SORCS3: variants seen among roughly 807,000 people sequenced by gnomAD.
The protein encoded by SORCS3 is VPS10 domain-containing receptor SorCS3.
SORCS3 carries 57 observed loss-of-function variants against 146.3 expected under a neutral mutation model. That is an observed-to-expected ratio of 0.39 (90% CI 0.31 to 0.49). The LOEUF is 0.49. SORCS3 is among the 20% of genes least tolerant of loss of function. SORCS3 has a pLI of 0.92. For synonymous variants in SORCS3, 653 were observed against 618.5 expected (o/e 1.06, Z -0.83); for missense variants, 1,341 against 1,575.5 (o/e 0.85, Z 2.52).
intron 2 of SORCS3, among the ~76,000 whole-genome samples, chr10:104,848,610 C>G (rs941462576): frequency 1.6e-4 from 25 of 152,124 alleles, no homozygotes; most frequent in Non-Finnish European, 2.8e-4. Context: ...TCGCTAGGCT[C>G]TTTATATGTG....
At chr10:104,912,372 A>G (rs2018977903) in intron 2 of SORCS3, among the ~76,000 whole-genome samples, 1 of 152,240 alleles carries the variant, frequency 6.6e-6, no homozygotes, top group Admixed American at 6.5e-5. Flanking sequence ...GACAGCCTCT[A>G]GAGATCATGG....
At chr10:104,746,402 C>T (rs2016912117) in intron 1 of SORCS3, among the ~76,000 whole-genome samples, 1 of 152,212 alleles carries the variant, frequency 6.6e-6, no homozygotes, top group Non-Finnish European at 1.5e-5. Context: ...TCCCAGAGTG[C>T]TGGGATTACA....
intron 1 of SORCS3, among the ~76,000 whole-genome samples, chr10:104,708,735 GCAGCCATAT>G (rs1192340586): frequency 3.3e-5 from 5 of 152,044 alleles, no homozygotes; most frequent in African/African-American, 1.2e-4. Flanking sequence ...ATTCCTTTTA[GCAGCCATAT>G]TTTAATCTCT....
intron 1 of SORCS3, among the ~76,000 whole-genome samples, chr10:104,788,320 T>G (rs1260984531): frequency 6.6e-6 from 1 of 152,190 alleles, no homozygotes; most frequent in African/African-American, 2.4e-5. Flanking sequence ...TTATGGTGCA[T>G]TTATAGAATG....
intron 1 of SORCS3, among the ~76,000 whole-genome samples, chr10:104,680,148 C>A (rs913989464): frequency 1.3e-5 from 2 of 152,278 alleles, no homozygotes; most frequent in Middle Eastern, 6.8e-3. Context: ...TACCATGAGC[C>A]TTCCTAGTGC....
chr10:105,152,010 A>G (rs1411344877), intron 9 of SORCS3, among the ~76,000 whole-genome samples: 2 of 152,190 alleles, frequency 1.3e-5, no homozygotes, highest in Non-Finnish European at 2.9e-5. Flanking sequence ...CTTTTCATAT[A>G]GAGCTCTATT....
chr10:104,814,245 G>T (rs753010020), intron 1 of SORCS3, among the ~76,000 whole-genome samples: 4 of 152,058 alleles, frequency 2.6e-5, no homozygotes. Context: ...CTTCCTACCT[G>T]CAGTGAGTAG....
intron 5 of SORCS3, among the ~76,000 whole-genome samples, chr10:105,080,819 C>G (rs2055619808): frequency 6.6e-6 from 1 of 152,076 alleles, no homozygotes; most frequent in African/African-American, 2.4e-5. Flanking sequence ...CAGACATAGA[C>G]CAATGAAACA....
intron 5 of SORCS3, among the ~76,000 whole-genome samples, chr10:105,069,480 C>T (rs2055543772): frequency 6.6e-6 from 1 of 152,190 alleles, no homozygotes; most frequent in African/African-American, 2.4e-5. Context: ...ATGCCATCTA[C>T]CTCATAGAGT....
chr10:104,974,645 A>T (rs1019030502), intron 3 of SORCS3, among the ~76,000 whole-genome samples: 4 of 152,080 alleles, frequency 2.6e-5, no homozygotes, highest in African/African-American at 9.7e-5. Context: ...TTGACTCTTT[A>T]TCCAATTTGC....
At chr10:104,692,417 C>T (rs1223420368) in intron 1 of SORCS3, among the ~76,000 whole-genome samples, 3 of 152,186 alleles carry the variant, frequency 2.0e-5, no homozygotes, top group African/African-American at 4.8e-5. Context: ...TGTATGTACA[C>T]AATCAGTTCC....
At chr10:105,179,698 C>CAGG (rs1459670348) in intron 14 of SORCS3, among the ~76,000 whole-genome samples, 5 of 152,122 alleles carry the variant, frequency 3.3e-5, no homozygotes, top group Non-Finnish European at 7.4e-5. Flanking sequence ...GAAGGGTTGC[C>CAGG]AAGAGGTGAT....
chr10:104,741,839 T>C (rs1305344667), intron 1 of SORCS3, among the ~76,000 whole-genome samples: 4 of 151,632 alleles, frequency 2.6e-5, no homozygotes, highest in Non-Finnish European at 1.5e-5. Flanking sequence ...CTTTCTATTT[T>C]TTCATGTGTT....
chr10:105,032,008 C>CT (rs2055271159), intron 4 of SORCS3, among the ~76,000 whole-genome samples: 1 of 152,112 alleles, frequency 6.6e-6, no homozygotes, highest in Admixed American at 6.6e-5. Context: ...GCCTGACCAA[C>CT]ATGGAGAAAC....
chr10:105,105,363 T>A, intron 6 of SORCS3, 34 bp from the exon 7 acceptor site: 1 of 1,441,768 alleles, frequency 6.9e-7, no homozygotes, highest in East Asian at 2.3e-5. Context: ...GATTTTCACT[T>A]GTATCTAAGC....
At chr10:104,976,887 C>G (rs1475563391) in intron 3 of SORCS3, among the ~76,000 whole-genome samples, 1 of 151,422 alleles carries the variant, frequency 6.6e-6, no homozygotes, top group Non-Finnish European at 1.5e-5. Context: ...GGAAGGGGAA[C>G]ATCACACTCT....
At chr10:104,766,899 T>C (rs1340945305) in intron 1 of SORCS3, among the ~76,000 whole-genome samples, 1 of 152,262 alleles carries the variant, frequency 6.6e-6, no homozygotes, top group Non-Finnish European at 1.5e-5. Flanking sequence ...CTGTGACATA[T>C]TGTCCCATTA....
intron 9 of SORCS3, among the ~76,000 whole-genome samples, chr10:105,148,297 C>G (rs1172580303): frequency 6.6e-6 from 1 of 152,144 alleles, no homozygotes; most frequent in East Asian, 1.9e-4. Context: ...ATGCCGACAT[C>G]TATGCAGGGT....
chr10:105,006,659 C>T (rs1047402883), intron 4 of SORCS3, among the ~76,000 whole-genome samples: 2 of 152,162 alleles, frequency 1.3e-5, no homozygotes, highest in African/African-American at 4.8e-5. Context: ...CTCTGTGCCC[C>T]AACCACTTAA....
Sources: allele counts gnomAD v4.1 joint callset (sites outside exome capture counted in the v4.1 genomes callset), GRCh38; gene constraint gnomAD v4.1.1; transcripts MANE v1.5; gene names NCBI Gene and HGNC (gene_info 2026-07-23, HGNC 2026-07-21).